The following STK4 variants were observed in gnomAD, a reference collection of about 807,000 sequenced individuals.
STK4 encodes serine/threonine kinase 4.
A neutral mutation model predicts 64.9 loss-of-function variants in STK4; 30 were observed. The observed-to-expected ratio is 0.46, with a 90% CI of 0.35 to 0.63. STK4 has a LOEUF of 0.63. Among genes scored for constraint, STK4 ranks in the 20% least tolerant of loss-of-function variants. STK4 has a pLI of 0.01. For synonymous variants in STK4, 177 were observed against 199.0 expected (o/e 0.89, Z 0.93); for missense variants, 466 against 598.5 (o/e 0.78, Z 2.31).
intron 1 of STK4, among the ~76,000 whole-genome samples, chr20:44,968,424 A>C (rs145430103): frequency 6.6e-6 from 1 of 152,172 alleles, no homozygotes. Context: ...GGCGTGAGCC[A>C]CCGGGCCCGG....
rs954211357 is a variant in STK4 at position 45,078,852 on chromosome 20, A to C, written c.*3676A>C. 1 of 152,488 alleles carries C rather than the reference A, an allele frequency of 6.6e-6. No homozygotes were observed. The highest frequency in any genetic ancestry group is 1.5e-5 in the Non-Finnish European group (1 of 68,038). 9.4% of individuals were successfully genotyped at this position (152,488 alleles called of 1,614,324 possible). On this transcript the variant is annotated 3_prime_UTR_variant, in exon 11 of 11. Coordinates refer to ENST00000372806, the MANE Select transcript of STK4 (RefSeq NM_006282.5). ...CTCAGTAAGTCTTTTAAATATCAGG[A>C]AGGAGAGAAGCGACATCATGATACA...
At chr20:45,060,900 C>G (rs1978937633) in intron 10 of STK4, among the ~76,000 whole-genome samples, 1 of 152,226 alleles carries the variant, frequency 6.6e-6, no homozygotes, top group Non-Finnish European at 1.5e-5. Context: ...CCCATACCCA[C>G]TCTTACTCAC....
intron 2 of STK4, chr20:44,973,056 A>G (rs981189718): frequency 4.6e-5 from 7 of 152,124 alleles, no homozygotes; most frequent in African/African-American, 1.7e-4. Flanking sequence ...TGTATTTTTA[A>G]TCCCTTGGGA....
intron 10 of STK4, among the ~76,000 whole-genome samples, chr20:45,062,450 G>A (rs935184411): frequency 7.9e-5 from 12 of 151,692 alleles, no homozygotes; most frequent in Non-Finnish European, 1.5e-4. Flanking sequence ...CCCAGCAATG[G>A]GATTGCTGGG....
intron 10 of STK4, among the ~76,000 whole-genome samples, chr20:45,051,324 G>T (rs934402428): frequency 1.3e-5 from 2 of 152,120 alleles, no homozygotes; most frequent in Non-Finnish European, 2.9e-5. Flanking sequence ...ATATAATTTG[G>T]CATCAAGTAC....
At chr20:45,072,579 T>G (rs558523966) in intron 10 of STK4, among the ~76,000 whole-genome samples, 1 of 152,378 alleles carries the variant, frequency 6.6e-6, no homozygotes, top group East Asian at 1.9e-4. Flanking sequence ...TTCATTAAAG[T>G]AGCCTATGTG....
chr20:45,059,929 C>T (rs369377852), intron 10 of STK4, among the ~76,000 whole-genome samples: 141 of 152,230 alleles, frequency 9.3e-4, no homozygotes, highest in African/African-American at 3.3e-3. Context: ...GTATTGATTA[C>T]ATACTTTCAA....
intron 1 of STK4, among the ~76,000 whole-genome samples, chr20:44,970,065 G>A (rs934284128): frequency 4.6e-5 from 7 of 151,832 alleles, no homozygotes; most frequent in South Asian, 4.2e-4. Context: ...TAATAGCCCC[G>A]GATCAAAAAC....
In STK4 at chr20:44,997,260, T is replaced by C. The variant is rs750149771; in HGVS notation, c.785T>C (p.Leu262Pro). The C allele has an allele frequency of 1.9e-6, 3 of 1,613,548 alleles. No individual in the cohort carries two copies. The highest frequency in any genetic ancestry group is 1.7e-6 in the Non-Finnish European group (2 of 1,179,724). The change falls in exon 7 of 11, where the codon CTT becomes CCT. Residue 262 changes from leucine (L) to proline (P), a missense_variant. Leu to Pro is a moderately conservative substitution (Grantham distance 98). Around this residue, in one of 2 missense-constraint regions of STK4, gnomAD observed 276 missense variants for 308.9 expected, o/e 0.89. Coordinates refer to ENST00000372806, the MANE Select transcript of STK4 (RefSeq NM_006282.5). ...DNFTDFVKQC[L>P]VKSPEQRATA... ...TTTACAGATTTTGTGAAACAGTGTC[T>C]TGTAAAGAGCCCTGAGCAGAGGGCC...
chr20:45,065,375 A>G lies in STK4; in HGVS notation c.1306-9643A>G, dbSNP rs1369866767. Among the ~76,000 whole-genome samples, 4 of 152,144 alleles carry G rather than the reference A, an allele frequency of 2.6e-5. 1 individual carries two copies. The East Asian group carries it at 5.8e-4, about 22-fold the overall frequency. ...CTAGTATTTTGTTGAGGATTTTCAC[A>G]TCCATGTTCCTCGAGAAAAATGGCC... On this transcript the variant is annotated intron_variant, in intron 10 of 10. Transcript: ENST00000372806.
chr20:44,988,533 G>GTGTGTATATA (rs1221720136), intron 5 of STK4, among the ~76,000 whole-genome samples: 14 of 101,584 alleles, frequency 1.4e-4, no homozygotes, highest in African/African-American at 5.7e-4. Context: ...ATGTGTGTGT[G>GTGTGTATATA]TATATATATA....
chr20:45,011,729 A>ATATATATATATATATATATT (rs60170856), intron 9 of STK4, among the ~76,000 whole-genome samples: 15 of 115,382 alleles, frequency 1.3e-4, no homozygotes, highest in African/African-American at 5.5e-4. Flanking sequence ...ATATATATAT[A>ATATATATATATATATATATT]TTTTTTTTTT....
chr20:44,997,734 C>G (rs1698768221), intron 7 of STK4, among the ~76,000 whole-genome samples: 1 of 152,134 alleles, frequency 6.6e-6, no homozygotes, highest in South Asian at 2.1e-4. Context: ...CATTCTCTAC[C>G]TCTAGGGAGG....
Position 45,079,979 on chromosome 20 carries a change from A to G in STK4, c.*4803A>G, listed in dbSNP as rs1386076166. The G allele has an allele frequency of 6.6e-6, 1 of 152,234 alleles. No individual in the cohort carries two copies. The highest frequency in any genetic ancestry group is 1.5e-5 in the Non-Finnish European group (1 of 68,042). The allele number at this position is 152,234 out of a possible 1,614,324, so 9.4% of individuals were successfully genotyped here. A position where few individuals can be genotyped will look rare whatever the true frequency, so the allele number is the denominator to read the frequency against. On this transcript the variant is annotated 3_prime_UTR_variant, in exon 11 of 11. Transcript: ENST00000372806. ...CCCTTATTAACGAGAACCTCAATATATAGCCTGGATAATGGTGTTGTGAAC... is the reference window on the plus strand; with the variant it reads ...CCCTTATTAACGAGAACCTCAATATGTAGCCTGGATAATGGTGTTGTGAAC...
At chr20:45,073,790 T>C (rs6031970) in intron 10 of STK4, among the ~76,000 whole-genome samples, 76,674 of 152,006 alleles carry the variant, frequency 0.5, 20,140 homozygotes, top group African/African-American at 0.62. Context: ...CACTGGTGTA[T>C]CCCTGGGCTT....
chr20:45,058,818 G>A (rs13036970), intron 10 of STK4, among the ~76,000 whole-genome samples: 4,404 of 152,284 alleles, frequency 0.029, 101 homozygotes, highest in Middle Eastern at 0.044. Context: ...CTACAAGAAT[G>A]AGGTTATTTT....
chr20:44,982,368 C>G (rs180919984), intron 4 of STK4, among the ~76,000 whole-genome samples: 11 of 151,814 alleles, frequency 7.2e-5, no homozygotes, highest in Non-Finnish European at 8.8e-5. Context: ...CTCCTGGCCT[C>G]AAGCAATTTT....
chr20:45,017,947 T>G (rs950320049), intron 9 of STK4, among the ~76,000 whole-genome samples: 1 of 152,176 alleles, frequency 6.6e-6, no homozygotes, highest in Admixed American at 6.5e-5. Context: ...ACCTTATAAC[T>G]TATGATTCCA....
chr20:45,014,914 G>T (rs1568722978), intron 9 of STK4, among the ~76,000 whole-genome samples: 1 of 152,080 alleles, frequency 6.6e-6, no homozygotes, highest in African/African-American at 2.4e-5. Flanking sequence ...TGAATTGAAG[G>T]GAGTGAGATG....
Sources: gnomAD v4.1 joint callset for allele counts (sites outside exome capture counted in the v4.1 genomes callset) on GRCh38, gnomAD v4.1.1 for gene constraint, gnomAD v4.1.1 regional missense constraint, MANE v1.5 for transcripts, NCBI Gene and HGNC (gene_info 2026-07-23, HGNC 2026-07-21) for gene names.